RYR3: variants seen among roughly 807,000 people sequenced by gnomAD.
RYR3 encodes the protein ryanodine receptor 3.
A neutral mutation model predicts 584.3 loss-of-function variants in RYR3; 207 were observed. The ratio of observed to expected loss-of-function variants is 0.35; its 90% CI spans 0.32 to 0.40. The LOEUF (loss-of-function observed/expected upper bound fraction) is 0.40, where lower values mean the gene tolerates loss of function less well. Ranked by LOEUF, RYR3 falls within the 10% of genes least tolerant of loss-of-function variation. The probability of loss-of-function intolerance (pLI) is 1.00; values close to 1 mark genes in which losing one functional copy is unlikely to be tolerated. For missense variants in RYR3, 5,616 were observed against 6,089.2 expected (o/e 0.92, Z 2.59); for synonymous variants, 2,416 against 2,248.5 (o/e 1.07, Z -2.11).
rs535380912 is a variant in RYR3 at position 33,760,606 on chromosome 15, A to C, written c.8705+3010A>C. 1.1e-4 allele frequency among the ~76,000 whole-genome samples: 17 copies of C among 152,332 alleles called. No individual in the cohort carries two copies. In the South Asian group the frequency reaches 3.3e-3, roughly 30 times the overall value. ...CAGGAGCACCCAGACTCATAAAGCA[A>C]GTCCTTAGAGACCTACAAACAGACT... On this transcript the variant is annotated intron_variant, in intron 60 of 103. Coordinates refer to ENST00000634891, the MANE Select transcript of RYR3 (RefSeq NM_001036.6).
intron 2 of RYR3, among the ~76,000 whole-genome samples, chr15:33,475,115 T>G (rs1209281850): frequency 2.0e-5 from 3 of 152,190 alleles, no homozygotes; most frequent in Middle Eastern, 3.2e-3. Flanking sequence ...GTCATTAGAT[T>G]AGAAGTCAAG....
intron 1 of RYR3, among the ~76,000 whole-genome samples, chr15:33,441,699 T>A (rs1456519586): frequency 6.6e-6 from 1 of 152,190 alleles, no homozygotes; most frequent in Non-Finnish European, 1.5e-5. Context: ...TTAAAAGACC[T>A]CAGCTTTTAA....
intron 1 of RYR3, among the ~76,000 whole-genome samples, chr15:33,407,945 A>G (rs1004161758): frequency 3.9e-5 from 6 of 151,958 alleles, no homozygotes; most frequent in Non-Finnish European, 5.9e-5. Context: ...TTTGTACAGC[A>G]TTGCTTGAGG....
intron 1 of RYR3, among the ~76,000 whole-genome samples, chr15:33,375,118 C>G (rs1481991666): frequency 6.6e-6 from 1 of 152,144 alleles, no homozygotes; most frequent in African/African-American, 2.4e-5. Flanking sequence ...AATTATTGCT[C>G]TCTAACTAAG....
rs778316607 is a variant in RYR3, at chr15:33,848,367, A to C, written c.13574A>C (p.Gln4525Pro). 3 of 1,613,696 alleles carry C rather than the reference A, an allele frequency of 1.9e-6. No homozygotes were observed. The highest frequency in any genetic ancestry group is 1.3e-5 in the African/African-American group (1 of 74,922). ...TTTGATGGCCTATATATCACCGAAC[A>C]GCCATCTGAAGATGACATCAAGGGG... ...LEFDGLYITE[Q>P]PSEDDIKGQW... Residue 4525 changes from glutamine (Q) to proline (P), a missense_variant, in exon 94 of 104, where the codon CAG becomes CCG. By Grantham distance (76) the Gln-to-Pro change is moderately conservative (BLOSUM62 -1). Transcript: ENST00000634891.
intron 103 of RYR3, among the ~76,000 whole-genome samples, chr15:33,864,428 G>A (rs988220900): frequency 1.4e-4 from 22 of 152,112 alleles, no homozygotes; most frequent in African/African-American, 5.3e-4. Flanking sequence ...GCTGGAGGTG[G>A]GGAGAACATT....
rs374943215 is a variant in RYR3, at chr15:33,636,565, C to G, written c.3556+15C>G. The G allele has an allele frequency of 1.3e-6, 2 of 1,558,932 alleles. No homozygotes were observed. Among genetic ancestry groups the G allele is most frequent in the Non-Finnish European group, 1.7e-6 (2 of 1,155,396 alleles). ...GATTGAGAATGGTAAATCTAACACC[C>G]TCTGCCAACCCCAGCTCCATGAGGC... On this transcript the variant is annotated intron_variant, in intron 27 of 103. Transcript: ENST00000634891.
At chr15:33,432,367 A>G (rs1414598532) in intron 1 of RYR3, among the ~76,000 whole-genome samples, 2 of 152,064 alleles carry the variant, frequency 1.3e-5, no homozygotes, top group South Asian at 2.1e-4. Flanking sequence ...CAGTACACCT[A>G]TGTTAACCTG....
At chr15:33,722,424 C>A in intron 43 of RYR3, 1 of 433,662 alleles carries the variant, frequency 2.3e-6, no homozygotes, top group Non-Finnish European at 4.1e-6. Flanking sequence ...ACAAACAGAT[C>A]CTGACCCAAT....
At chr15:33,854,335 C>T in intron 96 of RYR3, 54 bp from the exon 97 acceptor site, 5 of 1,431,992 alleles carry the variant, frequency 3.5e-6, no homozygotes, top group Non-Finnish European at 3.8e-6. Context: ...CCTTATTGAG[C>T]ACTTAACTAC....
intron 43 of RYR3, among the ~76,000 whole-genome samples, chr15:33,708,283 G>A (rs2152787059): frequency 6.6e-6 from 1 of 152,310 alleles, no homozygotes; most frequent in Admixed American, 6.5e-5. Context: ...GCCAAATTAT[G>A]TAAATAGATT....
chr15:33,656,388 C>T (rs1255574465), intron 32 of RYR3, among the ~76,000 whole-genome samples: 2 of 152,172 alleles, frequency 1.3e-5, no homozygotes, highest in African/African-American at 4.8e-5. Flanking sequence ...TGCTCACTGC[C>T]GCCTCCCCAT....
chr15:33,464,489 T>TATATATATATATATATACATACAC (rs1450450145), intron 1 of RYR3, among the ~76,000 whole-genome samples: 2 of 67,452 alleles, frequency 3.0e-5, no homozygotes, highest in African/African-American at 8.3e-5. Context: ...TATATATATA[T>TATATATATATATATATACATACAC]ACACATATAT....
In RYR3 at chr15:33,663,654, A is replaced by G; in HGVS notation, c.5536A>G (p.Asn1846Asp). 3 of 1,613,220 alleles carry G rather than the reference A, an allele frequency of 1.9e-6. No individual in the cohort carries two copies. Among genetic ancestry groups the G allele is most frequent in the Non-Finnish European group, 2.5e-6 (3 of 1,179,676 alleles). ...GCAGGCAAATCAGAAGTTCCGCTACAATGAGCTCATGCAGGCCCTGAACAT... is the reference window on the plus strand; with the variant it reads ...GCAGGCAAATCAGAAGTTCCGCTACGATGAGCTCATGCAGGCCCTGAACAT... The part of the protein sequence containing the change: ...KLQANQKFRY[N>D]ELMQALNMSA... The change falls in exon 36 of 104, where the codon AAT becomes GAT. Residue 1846 changes from asparagine (N) to aspartate (D), a missense_variant. This residue lies in a region of RYR3 where 1,280 missense variants were observed against 1,426.2 expected (regional missense o/e 0.90). Transcript: ENST00000634891.
At chr15:33,400,241 G>A (rs753541559) in intron 1 of RYR3, among the ~76,000 whole-genome samples, 6 of 152,040 alleles carry the variant, frequency 3.9e-5, no homozygotes, top group Non-Finnish European at 7.4e-5. Context: ...GGACCATCCC[G>A]GTTTATACTA....
chr15:33,445,562 G>A (rs2046564917), intron 1 of RYR3, among the ~76,000 whole-genome samples: 1 of 151,360 alleles, frequency 6.6e-6, no homozygotes, highest in African/African-American at 2.4e-5. Flanking sequence ...TAAATTCTGG[G>A]GAACCTACAC....
chr15:33,726,347 C>T (rs1452305243), intron 45 of RYR3, 39 bp from the exon 46 acceptor site: 8 of 1,609,124 alleles, frequency 5.0e-6, no homozygotes, highest in South Asian at 2.2e-5. Flanking sequence ...GGTGTGGGAA[C>T]CTCACTTATC....
intron 1 of RYR3, among the ~76,000 whole-genome samples, chr15:33,377,979 A>G (rs1404703010): frequency 6.6e-6 from 1 of 152,036 alleles, no homozygotes; most frequent in Non-Finnish European, 1.5e-5. Flanking sequence ...ATGGGGTCTC[A>G]CCATATGGCC....
At position 33,837,852 on chromosome 15, in the gene RYR3, G is replaced by A. The variant is rs759404174; in HGVS notation, c.11872G>A (p.Glu3958Lys). The A allele has an allele frequency of 1.2e-6, 2 of 1,614,038 alleles. No homozygotes were observed. The highest frequency in any genetic ancestry group is 1.7e-6 in the Non-Finnish European group (2 of 1,179,898). The change falls in exon 89 of 104, where the codon GAG becomes AAG. Residue 3958 changes from glutamate (E) to lysine (K), a missense_variant. By Grantham distance (56) the Glu-to-Lys change is moderately conservative (BLOSUM62 1). Coordinates refer to ENST00000634891, the MANE Select transcript of RYR3 (RefSeq NM_001036.6). ...MEGQKQYTQS[E>K]IDFLLSCAEA... ...AGGGCAAAAACAGTACACGCAGTCA[G>A]AGATTGACTTTCTCCTGTCGTGTGC...
Sources: gnomAD v4.1 joint callset for allele counts (sites outside exome capture counted in the v4.1 genomes callset) on GRCh38, gnomAD v4.1.1 for gene constraint, gnomAD v4.1.1 regional missense constraint, MANE v1.5 for transcripts, NCBI Gene and HGNC (gene_info 2026-07-23, HGNC 2026-07-21) for gene names.